The following DYM variants were observed in gnomAD, a reference collection of about 807,000 sequenced individuals.
The protein encoded by DYM is dyggve-Melchior-Clausen syndrome protein.
Under a neutral mutation model 93.1 loss-of-function variants are expected in DYM, and 78 were observed. The ratio of observed to expected loss-of-function variants is 0.84; its 90% CI spans 0.70 to 1.01. DYM has a LOEUF of 1.01. Ranked by LOEUF, DYM falls within the 50% of genes least tolerant of loss-of-function variation. DYM has a pLI of 0.00. For synonymous variants in DYM, 321 were observed against 319.7 expected, an observed-to-expected ratio of 1.00 and a Z score of -0.04; for missense variants, 789 against 845.0, an observed-to-expected ratio of 0.93 and a Z score of 0.82.
chr18:49,048,973 T>C (rs983101521), intron 17 of DYM, among the ~76,000 whole-genome samples: 11 of 152,238 alleles, frequency 7.2e-5, no homozygotes, highest in African/African-American at 2.4e-4. Context: ...GTAGTAACTA[T>C]GGCTTTCAAA....
intron 2 of DYM, among the ~76,000 whole-genome samples, chr18:49,423,373 T>C (rs2073930419): frequency 6.6e-6 from 1 of 152,048 alleles, no homozygotes; most frequent in South Asian, 2.1e-4. Context: ...CATACCAGAA[T>C]CTCTGGGACA....
At chr18:49,221,816 T>C (rs1792199168) in intron 13 of DYM, among the ~76,000 whole-genome samples, 1 of 151,676 alleles carries the variant, frequency 6.6e-6, no homozygotes, top group Non-Finnish European at 1.5e-5. Context: ...AAATGACGAG[T>C]TAATGGGTGG....
chr18:49,350,159 T>C (rs909272452), intron 6 of DYM, among the ~76,000 whole-genome samples: 1 of 152,190 alleles, frequency 6.6e-6, no homozygotes, highest in Non-Finnish European at 1.5e-5. Flanking sequence ...CTAAAATACA[T>C]ATGATGGCTA....
chr18:49,359,924 G>A (rs2065879602), intron 6 of DYM: 1 of 152,188 alleles, frequency 6.6e-6, no homozygotes, highest in South Asian at 2.1e-4. Context: ...CATTTAAAGA[G>A]TAGTTTGGTT....
chr18:49,203,844 A>C (rs1192345137), intron 14 of DYM, among the ~76,000 whole-genome samples: 1 of 135,890 alleles, frequency 7.4e-6, no homozygotes, highest in Admixed American at 7.8e-5. Context: ...CCCAAGAATT[A>C]TCAATAAAAA....
chr18:49,215,211 T>C (rs1021622894), intron 13 of DYM, among the ~76,000 whole-genome samples: 4 of 152,214 alleles, frequency 2.6e-5, no homozygotes, highest in South Asian at 4.1e-4. Flanking sequence ...GATGAGGAAA[T>C]TGTGAATTTC....
intron 1 of DYM, among the ~76,000 whole-genome samples, chr18:49,451,996 C>A (rs1348337808): frequency 6.6e-6 from 1 of 152,220 alleles, no homozygotes; most frequent in Non-Finnish European, 1.5e-5. Context: ...CTACACCACA[C>A]TTGTGGGAAT....
intron 6 of DYM, among the ~76,000 whole-genome samples, chr18:49,341,527 GATAAA>G (rs2064141631): frequency 7.3e-6 from 1 of 137,852 alleles, no homozygotes; most frequent in Non-Finnish European, 1.6e-5. Flanking sequence ...ATGATAAAAT[GATAAA>G]ATAAAAAGCA....
At chr18:49,203,230 G>A (rs1369657160) in intron 14 of DYM, among the ~76,000 whole-genome samples, 8 of 48,408 alleles carry the variant, frequency 1.7e-4, no homozygotes, top group Admixed American at 1.5e-3. Flanking sequence ...GGGAGGTGGG[G>A]GGGGTCAGCC....
chr18:49,418,526 T>C (rs1429881073), intron 2 of DYM, among the ~76,000 whole-genome samples: 1 of 152,216 alleles, frequency 6.6e-6, no homozygotes, highest in Non-Finnish European at 1.5e-5. Context: ...ATCTGATTAC[T>C]CTGATGCTAA....
chr18:49,322,278 C>T (rs1325698050), intron 8 of DYM, among the ~76,000 whole-genome samples: 2 of 151,988 alleles, frequency 1.3e-5, no homozygotes, highest in East Asian at 1.9e-4. Flanking sequence ...TTGTGTAAAA[C>T]CTCAGTACTT....
At chr18:49,417,601 A>G (rs958083293) in intron 2 of DYM, among the ~76,000 whole-genome samples, 4 of 152,238 alleles carry the variant, frequency 2.6e-5, no homozygotes, top group Non-Finnish European at 5.9e-5. Flanking sequence ...AAGGCTCTTC[A>G]AGATATAACT....
At chr18:49,366,489 TCTC>T (rs1196584223) in intron 5 of DYM, among the ~76,000 whole-genome samples, 1 of 152,208 alleles carries the variant, frequency 6.6e-6, no homozygotes, top group Admixed American at 6.5e-5. Flanking sequence ...AGAACATTTC[TCTC>T]CTAAGAGTTC....
intron 1 of DYM, among the ~76,000 whole-genome samples, chr18:49,437,770 G>T (rs541859564): frequency 1.3e-5 from 2 of 152,226 alleles, no homozygotes; most frequent in African/African-American, 4.8e-5. Context: ...TTTTTAAAAA[G>T]CAGTTTTTCA....
In DYM at chr18:49,460,162, GC is replaced by G. The variant is rs369221706; in HGVS notation, c.-54+235del. On this transcript the variant is annotated intron_variant, in intron 1 of 17. Coordinates refer to ENST00000675505, the MANE Select transcript of DYM (RefSeq NM_001353214.3). ...CCCCATCTCCGGAAGCACCGACTTG[GC>G]CTTCGGTATCCCCCAACTCCCAACA... Among the ~76,000 whole-genome samples the G allele has an allele frequency of 4.9e-3, 748 of 152,318 alleles. 6 individuals carry two copies. Among genetic ancestry groups the G allele is most frequent in the Non-Finnish European group, 8.4e-3 (569 of 68,014 alleles).
rs550275684 is a variant in DYM, at chr18:49,380,212, T to A, written c.194-454A>T. On this transcript the variant is annotated intron_variant, in intron 3 of 17. Transcript: ENST00000675505. ...TTGAATGAAAAATTAAGAAAACATATCAACAAAGCAGTGTGGCTAGAAGGG... is the reference window on the plus strand; with the variant it reads ...TTGAATGAAAAATTAAGAAAACATAACAACAAAGCAGTGTGGCTAGAAGGG... Among the ~76,000 whole-genome samples, 113 of 152,212 alleles carry A rather than the reference T, an allele frequency of 7.4e-4. 2 individuals are homozygous for A. The highest frequency in any genetic ancestry group is 2.7e-3 in the African/African-American group (112 of 41,556).
chr18:49,271,025 A>G (rs1331591962), intron 11 of DYM, among the ~76,000 whole-genome samples: 1 of 152,200 alleles, frequency 6.6e-6, no homozygotes, highest in Non-Finnish European at 1.5e-5. Flanking sequence ...AAGGTACAGT[A>G]AGTAAGACCT....
intron 17 of DYM, among the ~76,000 whole-genome samples, chr18:49,075,256 C>T (rs2077210491): frequency 6.6e-6 from 1 of 152,212 alleles, no homozygotes; most frequent in African/African-American, 2.4e-5. Context: ...TGTCCATCAA[C>T]ATGAGTCTCA....
At chr18:49,414,723 A>G (rs533108204) in intron 2 of DYM, among the ~76,000 whole-genome samples, 2 of 152,312 alleles carry the variant, frequency 1.3e-5, no homozygotes, top group Non-Finnish European at 2.9e-5. Context: ...CTGCTTTCCC[A>G]GAGACTCTCT....
Sources: allele counts gnomAD v4.1 joint callset (sites outside exome capture counted in the v4.1 genomes callset), GRCh38; gene constraint gnomAD v4.1.1; transcripts MANE v1.5; gene names NCBI Gene and HGNC (gene_info 2026-07-23, HGNC 2026-07-21).